MSH3: variants seen among roughly 807,000 people sequenced by gnomAD.
The protein encoded by MSH3 is mutS homolog 3.
In MSH3, 106 loss-of-function variants were observed where a neutral mutation model predicts 123.3. That is an observed-to-expected ratio of 0.86 (90% CI 0.73 to 1.01). The LOEUF (loss-of-function observed/expected upper bound fraction) is 1.01. MSH3 is among the 50% of genes least tolerant of loss of function. The pLI, the probability that MSH3 is intolerant of heterozygous loss-of-function variation, is 0.00. For synonymous variants in MSH3, 515 were observed against 481.4 expected, an observed-to-expected ratio of 1.07 and a Z score of -0.91; for missense variants, 1,459 against 1,347.6, an observed-to-expected ratio of 1.08 and a Z score of -1.29.
chr5:80,703,924 A>G (rs895289290), intron 8 of MSH3, among the ~76,000 whole-genome samples: 2 of 152,116 alleles, frequency 1.3e-5, no homozygotes, highest in Non-Finnish European at 1.5e-5. Context: ...ATAATGGGCC[A>G]GGAAGCACGT....
At chr5:80,745,310 T>C (rs1743696443) in intron 12 of MSH3, among the ~76,000 whole-genome samples, 1 of 152,218 alleles carries the variant, frequency 6.6e-6, no homozygotes, top group Non-Finnish European at 1.5e-5. Flanking sequence ...GATTCTGATA[T>C]GCAGATAAAT....
At chr5:80,748,840 A>T (rs1299098800) in intron 12 of MSH3, among the ~76,000 whole-genome samples, 1 of 152,034 alleles carries the variant, frequency 6.6e-6, no homozygotes, top group African/African-American at 2.4e-5. Flanking sequence ...TCTGTGTTCC[A>T]GACTCATTGG....
chr5:80,688,636 CTA>C (rs1750150538), intron 8 of MSH3, among the ~76,000 whole-genome samples: 3 of 151,654 alleles, frequency 2.0e-5, no homozygotes, highest in African/African-American at 7.3e-5. Context: ...AACTGTGAGA[CTA>C]TATAATTATC....
chr5:80,732,091 A>G (rs1046534275), intron 10 of MSH3, among the ~76,000 whole-genome samples: 2 of 152,310 alleles, frequency 1.3e-5, no homozygotes, highest in African/African-American at 4.8e-5. Flanking sequence ...GTTAAGACAC[A>G]CTTGAGGTTC....
intron 4 of MSH3, among the ~76,000 whole-genome samples, chr5:80,670,673 G>C (rs1011288420): frequency 6.6e-6 from 1 of 152,142 alleles, no homozygotes; most frequent in Non-Finnish European, 1.5e-5. Context: ...ATGTATAGAA[G>C]TTCCTCTGTT....
chr5:80,737,583 T>C (rs1743534974), intron 10 of MSH3, among the ~76,000 whole-genome samples: 1 of 152,190 alleles, frequency 6.6e-6, no homozygotes, highest in Non-Finnish European at 1.5e-5. Flanking sequence ...TCTACAATGG[T>C]AAATAATTTA....
rs115249753 is a variant in MSH3 at position 80,773,720 on chromosome 5, G to A, written c.2254-1974G>A. Among the ~76,000 whole-genome samples, 404 of 152,164 alleles carry A rather than the reference G, an allele frequency of 2.7e-3. 3 individuals are homozygous for A. The highest frequency in any genetic ancestry group is 4.7e-3 in the Non-Finnish European group (318 of 67,974). On this transcript the variant is annotated intron_variant, in intron 15 of 23. Transcript: ENST00000265081. ...CTGGGTTCCATTCTGCTCAAAATGG[G>A]TTTTTATAAATTTATTTAAATGAAT...
Position 80,778,802 on chromosome 5 carries a change from C to T in MSH3, c.2401C>T (p.Leu801Phe), listed in dbSNP as rs917488076. ...HLNQLREQLV[L>F]DCSAEWLDFL... ...GAATCAGCTCCGGGAGCAGCTAGTC[C>T]TTGACTGCAGTGCTGAATGGCTTGA... The change falls in exon 17 of 24, where the codon CTT (leucine) becomes TTT (phenylalanine). Residue 801 changes from leucine (L) to phenylalanine (F), a missense_variant. Leu to Phe is a conservative substitution (Grantham distance 22). Coordinates refer to ENST00000265081, the MANE Select transcript of MSH3 (RefSeq NM_002439.5). 1 of 1,606,588 alleles carries T rather than the reference C, an allele frequency of 6.2e-7. No homozygotes were observed. Among genetic ancestry groups the T allele is most frequent in the Non-Finnish European group, 8.5e-7 (1 of 1,173,244 alleles).
Position 80,705,980 on chromosome 5 carries a change from G to T in MSH3, c.1341-19473G>T, listed in dbSNP as rs979846534. Among the ~76,000 whole-genome samples the T allele has an allele frequency of 9.2e-5, 14 of 152,254 alleles. 1 individual carries two copies. The South Asian group carries it at 2.5e-3, about 27-fold the overall frequency. On this transcript the variant is annotated intron_variant, in intron 8 of 23. Coordinates refer to ENST00000265081, the MANE Select transcript of MSH3 (RefSeq NM_002439.5). ...TAATTCAACTCATAACATAGGGCGA[G>T]GACATTCTTTTCCACCTCCCTCCTC... is the stretch of plus-strand genomic sequence containing the variant.
intron 17 of MSH3, among the ~76,000 whole-genome samples, chr5:80,780,097 C>G (rs1309638106): frequency 1.3e-5 from 2 of 152,152 alleles, no homozygotes; most frequent in Non-Finnish European, 2.9e-5. Flanking sequence ...GCCTTATATT[C>G]TGGATTTATT....
intron 19 of MSH3, among the ~76,000 whole-genome samples, chr5:80,796,238 C>T (rs546967316): frequency 6.6e-6 from 1 of 151,864 alleles, no homozygotes; most frequent in African/African-American, 2.4e-5. Context: ...TCTTTCAAAA[C>T]GTATGTTACA....
intron 20 of MSH3, among the ~76,000 whole-genome samples, chr5:80,820,789 A>G (rs762880002): frequency 5.9e-5 from 9 of 152,238 alleles, no homozygotes; most frequent in Non-Finnish European, 1.2e-4. Context: ...TAAATTATTA[A>G]TACACAGGAA....
intron 11 of MSH3, among the ~76,000 whole-genome samples, chr5:80,742,991 A>G (rs185604106): frequency 9.2e-5 from 14 of 152,180 alleles, no homozygotes; most frequent in Non-Finnish European, 1.5e-4. Flanking sequence ...TGGACCTTGC[A>G]CCATTTTAGA....
chr5:80,831,678 T>C (rs968453275), intron 20 of MSH3, among the ~76,000 whole-genome samples: 1 of 147,574 alleles, frequency 6.8e-6, no homozygotes, highest in Non-Finnish European at 1.5e-5. Context: ...TTTTGTAAAA[T>C]GTATGTAATA....
At chr5:80,709,280 A>G (rs1262517553) in intron 8 of MSH3, among the ~76,000 whole-genome samples, 1 of 150,870 alleles carries the variant, frequency 6.6e-6, no homozygotes, top group Non-Finnish European at 1.5e-5. Flanking sequence ...ACATTTGGTA[A>G]AGCTCATAAA....
intron 1 of MSH3, among the ~76,000 whole-genome samples, chr5:80,655,861 A>C (rs1426036375): frequency 2.0e-5 from 3 of 152,164 alleles, no homozygotes. Context: ...TGCACCCACC[A>C]TTTAAAGGGT....
At chr5:80,813,767 A>G (rs781746840) in intron 20 of MSH3, 26 bp downstream of exon 20, 7 of 1,612,872 alleles carry the variant, frequency 4.3e-6, no homozygotes, top group Admixed American at 3.3e-5. Context: ...CAGCTTGCAT[A>G]TATTCTTGAA....
intron 20 of MSH3, among the ~76,000 whole-genome samples, chr5:80,846,636 C>G (rs946244816): frequency 1.3e-5 from 2 of 152,208 alleles, no homozygotes. Context: ...TGCCCCTCCC[C>G]CTGTCAAGCC....
chr5:80,686,486 G>A (rs1413558942), intron 8 of MSH3, among the ~76,000 whole-genome samples: 1 of 151,804 alleles, frequency 6.6e-6, no homozygotes, highest in Non-Finnish European at 1.5e-5. Context: ...TTGTATTTTA[G>A]TAGAGACAGG....
Sources: allele counts gnomAD v4.1 joint callset (sites outside exome capture counted in the v4.1 genomes callset), GRCh38; gene constraint gnomAD v4.1.1; transcripts MANE v1.5; gene names NCBI Gene and HGNC (gene_info 2026-07-23, HGNC 2026-07-21).